The following FOXN3 variants were observed in gnomAD, a reference collection of about 807,000 sequenced individuals.
The protein encoded by FOXN3 is forkhead box N3.
In FOXN3, 7 loss-of-function variants were observed where a neutral mutation model predicts 38.4. That is an observed-to-expected ratio of 0.18 (90% CI 0.10 to 0.34). The LOEUF is 0.34. FOXN3 is among the 10% of genes least tolerant of loss of function. The pLI, the probability that FOXN3 is intolerant of heterozygous loss-of-function variation, is 1.00. For synonymous variants in FOXN3, 230 were observed against 242.2 expected, an observed-to-expected ratio of 0.95 and a Z score of 0.47; for missense variants, 456 against 613.4, an observed-to-expected ratio of 0.74 and a Z score of 2.71.
chr14:89,210,012 T>G (rs1397233497), intron 4 of FOXN3, among the ~76,000 whole-genome samples: 1 of 152,262 alleles, frequency 6.6e-6, no homozygotes, highest in Non-Finnish European at 1.5e-5. Flanking sequence ...GAAACTCCAA[T>G]TCCATGCTAC....
chr14:89,487,265 GAT>G (rs1893466329), intron 1 of FOXN3, among the ~76,000 whole-genome samples: 1 of 152,218 alleles, frequency 6.6e-6, no homozygotes, highest in African/African-American at 2.4e-5. Context: ...CTCTGAAGAA[GAT>G]ATCTTTTTAA....
intron 4 of FOXN3, among the ~76,000 whole-genome samples, chr14:89,193,379 G>T (rs1246991862): frequency 6.6e-6 from 1 of 152,086 alleles, no homozygotes; most frequent in Non-Finnish European, 1.5e-5. Context: ...AGAAGACATA[G>T]TGAAAGAAAG....
chr14:89,327,011 TG>T (rs1421116106), intron 3 of FOXN3, among the ~76,000 whole-genome samples: 4 of 152,076 alleles, frequency 2.6e-5, no homozygotes, highest in African/African-American at 9.7e-5. Context: ...AACCCAGCTG[TG>T]GGGTCTTTGC....
intron 3 of FOXN3, among the ~76,000 whole-genome samples, chr14:89,329,780 C>G (rs1409677666): frequency 7.0e-6 from 1 of 143,782 alleles, no homozygotes; most frequent in African/African-American, 2.6e-5. Flanking sequence ...GCTGTGAACC[C>G]GGGAGGCGGA....
chr14:89,588,786 G>C (rs1895897166), intron 1 of FOXN3, among the ~76,000 whole-genome samples: 1 of 152,174 alleles, frequency 6.6e-6, no homozygotes, highest in African/African-American at 2.4e-5. Context: ...GAAGGATTTG[G>C]CAAAGATGGA....
chr14:89,325,349 C>CCAT (rs1888043207), intron 3 of FOXN3, among the ~76,000 whole-genome samples: 1 of 147,130 alleles, frequency 6.8e-6, no homozygotes, highest in Admixed American at 6.7e-5. Flanking sequence ...ACCACCACCA[C>CCAT]CACCACCACC....
rs1887079229 is a variant in FOXN3, at chr14:89,160,829, G to A, written c.*1585C>T. 1 of 149,878 alleles carries A rather than the reference G, an allele frequency of 6.7e-6. No individual in the cohort carries two copies. Among genetic ancestry groups the A allele is most frequent in the African/African-American group, 2.5e-5 (1 of 40,552 alleles). The allele number at this position is 149,878 out of a possible 1,614,324, so 9.3% of individuals were successfully genotyped here. On this transcript the variant is annotated 3_prime_UTR_variant, in exon 6 of 6. Coordinates refer to ENST00000557258, the MANE Select transcript of FOXN3 (RefSeq NM_005197.4). ...TCCCCAACAGTCAGAATTTGTCCCT[G>A]AAGAAGGTTAAACCTTAAACACCTG... is the stretch of plus-strand genomic sequence containing the variant.
intron 3 of FOXN3, among the ~76,000 whole-genome samples, chr14:89,346,754 C>T (rs909338651): frequency 1.2e-4 from 19 of 152,140 alleles, no homozygotes; most frequent in Admixed American, 2.6e-4. Context: ...TGGAGAGTTC[C>T]GTCCCACCTC....
At chr14:89,493,036 A>G (rs1893613642) in intron 1 of FOXN3, among the ~76,000 whole-genome samples, 1 of 152,220 alleles carries the variant, frequency 6.6e-6, no homozygotes, top group Admixed American at 6.5e-5. Context: ...TACTGTAGAT[A>G]GTTCCCTGTG....
chr14:89,370,144 A>T (rs779334050), intron 2 of FOXN3, among the ~76,000 whole-genome samples: 1 of 152,246 alleles, frequency 6.6e-6, no homozygotes, highest in Non-Finnish European at 1.5e-5. Flanking sequence ...TGTCTTTATT[A>T]CAACTTTGTA....
At chr14:89,590,076 TG>T (rs1489955256) in intron 1 of FOXN3, among the ~76,000 whole-genome samples, 4 of 152,094 alleles carry the variant, frequency 2.6e-5, no homozygotes, top group Non-Finnish European at 4.4e-5. Context: ...GAGTTGGATA[TG>T]GCACCAAGTC....
intron 1 of FOXN3, among the ~76,000 whole-genome samples, chr14:89,531,471 G>A (rs1894567808): frequency 6.6e-6 from 1 of 152,194 alleles, no homozygotes; most frequent in Non-Finnish European, 1.5e-5. Flanking sequence ...CAGTTTGCCA[G>A]AATGTTCTCT....
intron 3 of FOXN3, among the ~76,000 whole-genome samples, chr14:89,345,327 T>C (rs1451206535): frequency 1.3e-5 from 2 of 149,854 alleles, no homozygotes; most frequent in African/African-American, 4.9e-5. Flanking sequence ...CTAAAATTGA[T>C]CAATGAGTCT....
At chr14:89,398,164 G>C (rs1891148116) in intron 2 of FOXN3, among the ~76,000 whole-genome samples, 2 of 152,204 alleles carry the variant, frequency 1.3e-5, no homozygotes, top group African/African-American at 4.8e-5. Flanking sequence ...AAGCCACTCT[G>C]TAGCCTTCCT....
At chr14:89,202,290 T>C (rs1888255339) in intron 4 of FOXN3, among the ~76,000 whole-genome samples, 1 of 152,200 alleles carries the variant, frequency 6.6e-6, no homozygotes, top group Non-Finnish European at 1.5e-5. Context: ...CTGCCTCTCA[T>C]TATAGAGACA....
intron 1 of FOXN3, among the ~76,000 whole-genome samples, chr14:89,413,802 GGAAGGGAAAGA>G (rs1020759814): frequency 6.9e-6 from 1 of 145,114 alleles, no homozygotes; most frequent in African/African-American, 2.6e-5. Flanking sequence ...AAAGAAGAAA[GGAAGGGAAAGA>G]GAAGGGAAAA....
chr14:89,301,671 G>A (rs1596166592), intron 3 of FOXN3, among the ~76,000 whole-genome samples: 2 of 151,978 alleles, frequency 1.3e-5, no homozygotes, highest in East Asian at 1.9e-4. Flanking sequence ...GGGAGGCTGA[G>A]GTAGGAGAAC....
chr14:89,538,613 A>G (rs1038191113), intron 1 of FOXN3, among the ~76,000 whole-genome samples: 8 of 151,972 alleles, frequency 5.3e-5, no homozygotes, highest in African/African-American at 1.9e-4. Flanking sequence ...CTGCCTCCCG[A>G]GTTCAAGCAA....
intron 4 of FOXN3, among the ~76,000 whole-genome samples, chr14:89,243,286 G>A (rs1011015187): frequency 6.6e-6 from 1 of 152,316 alleles, no homozygotes. Context: ...GCAACCTTGG[G>A]AAATAAGCAA....
Sources: gnomAD v4.1 joint callset for allele counts (sites outside exome capture counted in the v4.1 genomes callset) on GRCh38, gnomAD v4.1.1 for gene constraint, MANE v1.5 for transcripts, NCBI Gene and HGNC (gene_info 2026-07-23, HGNC 2026-07-21) for gene names.